Variants in AMD1 observed in about 807,000 individuals in gnomAD.
AMD1 encodes adenosylmethionine decarboxylase 1.
In AMD1, 11 loss-of-function variants were observed where a neutral mutation model predicts 40.2. The ratio of observed to expected loss-of-function variants is 0.27; its 90% CI spans 0.17 to 0.45. The LOEUF (loss-of-function observed/expected upper bound fraction) is 0.45. Ranked by LOEUF, AMD1 falls within the 20% of genes least tolerant of loss-of-function variation. AMD1 has a pLI of 1.00. For synonymous variants in AMD1, 121 were observed against 130.8 expected (o/e 0.93, Z 0.51); for missense variants, 257 against 410.2 (o/e 0.63, Z 3.23).
the AMD1 span, among the ~76,000 whole-genome samples, chr6:110,861,867 A>T: frequency 6.6e-6 from 1 of 152,150 alleles, no homozygotes; most frequent in Non-Finnish European, 1.5e-5. Flanking sequence ...AAAAAAGATT[A>T]AATAAAACAA....
chr6:110,888,829 A>G, intron 2 of AMD1, 28 bp from the exon 3 acceptor site: 2 of 1,606,030 alleles, frequency 1.2e-6, no homozygotes, highest in Non-Finnish European at 1.7e-6. Context: ...TAGTATTGTT[A>G]TAATATTGTG....
the AMD1 span, among the ~76,000 whole-genome samples, chr6:110,826,167 A>T: frequency 2.8e-5 from 2 of 71,632 alleles, no homozygotes; most frequent in Non-Finnish European, 5.6e-5. Flanking sequence ...TGTCTCATTA[A>T]AAAAAAAAAA....
At chr6:110,835,518 A>C in the AMD1 span, among the ~76,000 whole-genome samples, 1 of 152,106 alleles carries the variant, frequency 6.6e-6, no homozygotes, top group Admixed American at 6.6e-5. Flanking sequence ...TCATTGGAAA[A>C]TATTGTGTTT....
chr6:110,874,378 C>T (rs1184137717), upstream of AMD1, among the ~76,000 whole-genome samples: 2 of 152,206 alleles, frequency 1.3e-5, no homozygotes, highest in Non-Finnish European at 2.9e-5. Flanking sequence ...TCAAAACCAC[C>T]ACGCCAACCC....
At chr6:110,827,353 A>G in the AMD1 span, among the ~76,000 whole-genome samples, 3 of 150,776 alleles carry the variant, frequency 2.0e-5, no homozygotes, top group South Asian at 6.3e-4. Context: ...GTGTTGCCCA[A>G]GCTTGTTTCT....
intron 1 of AMD1, among the ~76,000 whole-genome samples, chr6:110,875,792 T>C (rs1322698720): frequency 6.6e-6 from 1 of 151,466 alleles, no homozygotes; most frequent in East Asian, 2.0e-4. Context: ...GCGGGCAGCA[T>C]GTGGCGTTCG....
the AMD1 span, among the ~76,000 whole-genome samples, chr6:110,842,296 C>T: frequency 6.6e-6 from 1 of 152,154 alleles, no homozygotes; most frequent in Admixed American, 6.6e-5. Flanking sequence ...GATGGTATAT[C>T]CCTCCAGACC....
chr6:110,887,032 C>T (rs1244138617), intron 1 of AMD1, among the ~76,000 whole-genome samples: 3 of 152,100 alleles, frequency 2.0e-5, no homozygotes. Flanking sequence ...GCAGTCATTC[C>T]AGTTTTTTGT....
the AMD1 span, among the ~76,000 whole-genome samples, chr6:110,816,778 C>T: frequency 4.9e-3 from 748 of 152,242 alleles, 5 homozygotes; most frequent in African/African-American, 0.017. Flanking sequence ...TTTGAAGAGA[C>T]TGGCCTTGCT....
At chr6:110,822,679 C>T in the AMD1 span, among the ~76,000 whole-genome samples, 2 of 151,978 alleles carry the variant, frequency 1.3e-5, no homozygotes, top group Non-Finnish European at 2.9e-5. Context: ...TGCAAAAATC[C>T]TCAACAACAT....
chr6:110,880,257 T>G (rs1047158462), intron 1 of AMD1, among the ~76,000 whole-genome samples: 1 of 152,228 alleles, frequency 6.6e-6, no homozygotes, highest in Non-Finnish European at 1.5e-5. Flanking sequence ...GAGTTGTGTG[T>G]AGGTGTGTCT....
chr6:110,862,470 ATT>A, the AMD1 span, among the ~76,000 whole-genome samples: 4 of 119,936 alleles, frequency 3.3e-5, no homozygotes, highest in Non-Finnish European at 7.2e-5. Flanking sequence ...CTATTTACTT[ATT>A]TTTTTTTTTT....
At chr6:110,857,606 A>ATGGTATATATATAGG in the AMD1 span, among the ~76,000 whole-genome samples, 1 of 145,032 alleles carries the variant, frequency 6.9e-6, no homozygotes. Context: ...ATATATATAT[A>ATGGTATATATATAGG]TGGTATATAT....
upstream of AMD1, among the ~76,000 whole-genome samples, chr6:110,872,081 C>T (rs1784928100): frequency 6.6e-6 from 1 of 152,172 alleles, no homozygotes; most frequent in Non-Finnish European, 1.5e-5. Flanking sequence ...TGAGACCATT[C>T]ACTGGTCTCA....
rs1340307682 is a variant in AMD1, at chr6:110,895,473, T to C, written c.*1857T>C. The C allele has an allele frequency of 2.0e-5, 3 of 152,592 alleles. No individual in the cohort carries two copies. The highest frequency in any genetic ancestry group is 7.2e-5 in the African/African-American group (3 of 41,434). 9.5% of individuals were successfully genotyped at this position (152,592 alleles called of 1,614,324 possible). On this transcript the variant is annotated 3_prime_UTR_variant, in exon 9 of 9. Coordinates refer to ENST00000368885, the MANE Select transcript of AMD1 (RefSeq NM_001634.6). ...TGTTTTTGTTTTGTTTTGTTTTGTT[T>C]TGTTTCCAATAGAATTAAGAATTCT...
chr6:110,857,166 A>G, the AMD1 span, among the ~76,000 whole-genome samples: 1 of 151,990 alleles, frequency 6.6e-6, no homozygotes, highest in African/African-American at 2.4e-5. Context: ...CTCTGTCTCA[A>G]AAAAATAAAT....
the AMD1 span, among the ~76,000 whole-genome samples, chr6:110,828,510 C>T: frequency 6.6e-6 from 1 of 151,898 alleles, no homozygotes; most frequent in Non-Finnish European, 1.5e-5. Flanking sequence ...ATGGTTTTAA[C>T]AGTTTGTCCA....
chr6:110,892,730 C>G lies in AMD1; in HGVS notation c.616-5C>G. ...TTGTTAAACTCGGTCTTTTTCCCCCCCCAGGAGAGTGGAATTCGTGACCTG... is the reference window on the plus strand; with the variant it reads ...TTGTTAAACTCGGTCTTTTTCCCCCGCCAGGAGAGTGGAATTCGTGACCTG... On this transcript the variant is annotated splice_region_variant and splice_polypyrimidine_tract_variant and intron_variant, in intron 6 of 8. Transcript: ENST00000368885. 3 of 1,612,024 alleles carry G rather than the reference C, an allele frequency of 1.9e-6. No individual in the cohort carries two copies. The highest frequency in any genetic ancestry group is 2.5e-6 in the Non-Finnish European group (3 of 1,179,222).
chr6:110,820,401 T>C, the AMD1 span, among the ~76,000 whole-genome samples: 1 of 151,844 alleles, frequency 6.6e-6, no homozygotes, highest in African/African-American at 2.4e-5. Flanking sequence ...CATGCCCGCC[T>C]AATTTTGTAT....
Sources: gnomAD v4.1 joint callset for allele counts (sites outside exome capture counted in the v4.1 genomes callset) on GRCh38, gnomAD v4.1.1 for gene constraint, MANE v1.5 for transcripts, NCBI Gene and HGNC (gene_info 2026-07-23, HGNC 2026-07-21) for gene names.